The following ERCC2 variants were observed in gnomAD, a reference collection of about 807,000 sequenced individuals.
The protein encoded by ERCC2 is ERCC excision repair 2, TFIIH core complex helicase subunit, also known as general transcription and DNA repair factor IIH helicase subunit XPD.
Under a neutral mutation model 99.4 loss-of-function variants are expected in ERCC2, and 90 were observed. That is an observed-to-expected ratio of 0.91 (90% CI 0.76 to 1.08). The LOEUF (loss-of-function observed/expected upper bound fraction) is 1.08, where lower values mean the gene tolerates loss of function less well. Ranked by LOEUF, ERCC2 falls within the 50% of genes least tolerant of loss-of-function variation. ERCC2 has a pLI of 0.00. For missense variants in ERCC2, 993 were observed against 1,038.1 expected (o/e 0.96, Z 0.60); for synonymous variants, 497 against 432.4 (o/e 1.15, Z -1.85).
In ERCC2 at chr19:45,352,279, T is replaced by G. The variant is rs751727363; in HGVS notation, c.2120A>C (p.Asn707Thr). The G allele has an allele frequency of 6.2e-7, 1 of 1,613,954 alleles. No individual in the cohort carries two copies. The highest frequency in any genetic ancestry group is 8.5e-7 in the Non-Finnish European group (1 of 1,179,944). The change falls in exon 22 of 23, where the codon AAC becomes ACC. Residue 707 changes from asparagine to threonine, a missense_variant. Asn to Thr is a moderately conservative substitution (Grantham distance 65). Transcript: ENST00000391945. Reference sequence around the variant, plus strand: ...CTGGACACCCTCGTCCACGGTCAGGTTGAGGTTGGCATCTGTGAGGTGCTC... The same window carrying G: ...CTGGACACCCTCGTCCACGGTCAGGGTGAGGTTGGCATCTGTGAGGTGCTC... Reference protein sequence around the residue: ...IQEHLTDANLNLTVDEGVQVA... With the variant: ...IQEHLTDANLTLTVDEGVQVA...
intron 9 of ERCC2, 53 bp downstream of exon 9, chr19:45,364,182 G>A (rs1352733416): frequency 5.0e-6 from 8 of 1,611,300 alleles, no homozygotes; most frequent in African/African-American, 1.3e-5. Context: ...TCAGACAGGG[G>A]CCAGGGTCCC....
At position 45,364,233 on chromosome 19, in the gene ERCC2, A is replaced by C; in HGVS notation, c.815+2T>G. ...ACCACCGCCAGACGTCCCCGGCCCCACCTGAGCACCGTCTTCTGCAGGGTC... is the reference window on the plus strand; with the variant it reads ...ACCACCGCCAGACGTCCCCGGCCCCCCCTGAGCACCGTCTTCTGCAGGGTC... On this transcript the variant is annotated splice_donor_variant, in intron 9 of 22. Transcript: ENST00000391945. LOFTEE classifies it high-confidence loss of function. 6.2e-7 allele frequency: 1 copy of C among 1,613,386 alleles called. No individual in the cohort carries two copies.
intron 16 of ERCC2, among the ~76,000 whole-genome samples, chr19:45,355,083 G>C (rs562331841): frequency 6.6e-6 from 1 of 152,238 alleles, no homozygotes; most frequent in Non-Finnish European, 1.5e-5. Flanking sequence ...GGGGCCGGGC[G>C]CTGTGGCTCA....
chr19:45,360,997 G>A (rs1182262691), intron 12 of ERCC2, among the ~76,000 whole-genome samples: 2 of 152,072 alleles, frequency 1.3e-5, no homozygotes, highest in Admixed American at 6.5e-5. Context: ...TGGGTATAGT[G>A]GCATGCGCCT....
Position 45,364,972 on chromosome 19 carries a change from G to C in ERCC2, c.478-18C>G. 2 of 1,611,978 alleles carry C rather than the reference G, an allele frequency of 1.2e-6. No homozygotes were observed. Among genetic ancestry groups the C allele is most frequent in the South Asian group, 1.1e-5 (1 of 91,010 alleles). On this transcript the variant is annotated intron_variant, in intron 6 of 22. Coordinates refer to ENST00000391945, the MANE Select transcript of ERCC2 (RefSeq NM_000400.4). Reference sequence around the variant, plus strand: ...TCAAATTCCTGGGACAAGAGTGCCAGGGGTCAGGGAGGCTGCCTGCCCCAG... The same window carrying C: ...TCAAATTCCTGGGACAAGAGTGCCACGGGTCAGGGAGGCTGCCTGCCCCAG...
intron 11 of ERCC2, among the ~76,000 whole-genome samples, chr19:45,362,200 A>C (rs1179616269): frequency 6.6e-6 from 1 of 152,140 alleles, no homozygotes; most frequent in Admixed American, 6.5e-5. Flanking sequence ...CTGGGATGAC[A>C]GGTGTGAGCC....
intron 22 of ERCC2, 34 bp downstream of exon 22, chr19:45,352,175 T>C: frequency 1.2e-6 from 2 of 1,611,214 alleles, no homozygotes; most frequent in Non-Finnish European, 1.7e-6. Flanking sequence ...AAGCTCAGCC[T>C]GGGAGGGTGC....
At chr19:45,352,146 A>AG in intron 22 of ERCC2, 63 bp downstream of exon 22, 1 of 1,583,642 alleles carries the variant, frequency 6.3e-7, no homozygotes, top group Non-Finnish European at 8.6e-7. Flanking sequence ...GGAGAATCCA[A>AG]GGGGACTTTC....
intron 19 of ERCC2, 117 bp from the exon 20 acceptor site, chr19:45,352,933 C>A: frequency 8.1e-7 from 1 of 1,236,706 alleles, no homozygotes. Flanking sequence ...GTGTTCCCGC[C>A]GGGTGCCTAG....
In ERCC2 at chr19:45,354,814, C is replaced by A; in HGVS notation, c.1581G>T (p.Met527Ile). ...IRNYGNLLLEMSAVVPDGIVA... is the reference protein window; with the variant it reads ...IRNYGNLLLEISAVVPDGIVA... Reference sequence around the variant, plus strand: ...CGATGCCATCAGGGACCACAGCGGACATCTCCAGCAGGAGGTTCCCATAGT... The same window carrying A: ...CGATGCCATCAGGGACCACAGCGGAAATCTCCAGCAGGAGGTTCCCATAGT... Residue 527 changes from methionine (M) to isoleucine (I), a missense_variant, in exon 17 of 23, where the codon ATG (methionine) becomes ATT (isoleucine). Physicochemically the swap from Met to Ile is conservative, Grantham distance 10 (BLOSUM62 1). This residue lies in a region of ERCC2 where 909 missense variants were observed against 930.8 expected (regional missense o/e 0.98). Transcript: ENST00000391945. 1 of 1,614,136 alleles carries A rather than the reference C, an allele frequency of 6.2e-7. No homozygotes were observed. The highest frequency in any genetic ancestry group is 1.6e-4 in the Middle Eastern group (1 of 6,062).
chr19:45,351,537 C>G lies in ERCC2; in HGVS notation c.*92G>C. ...GACAGTGAGAAATGTCACCTGACTT[C>G]ATAAGACCTTCTAGCACCACCGCCG... On this transcript the variant is annotated 3_prime_UTR_variant, in exon 23 of 23. Coordinates refer to ENST00000391945, the MANE Select transcript of ERCC2 (RefSeq NM_000400.4). 6.2e-7 allele frequency: 1 copy of G among 1,604,712 alleles called. No individual in the cohort carries two copies. The highest frequency in any genetic ancestry group is 2.2e-5 in the East Asian group (1 of 44,868).
intron 17 of ERCC2, 74 bp downstream of exon 17, chr19:45,354,656 G>C (rs1971950201): frequency 1.9e-6 from 3 of 1,586,080 alleles, no homozygotes; most frequent in South Asian, 2.2e-5. Flanking sequence ...AGTGTGAGAG[G>C]AATGAAGCTG....
intron 17 of ERCC2, among the ~76,000 whole-genome samples, chr19:45,354,436 C>T (rs951323932): frequency 5.9e-5 from 9 of 152,180 alleles, no homozygotes; most frequent in Non-Finnish European, 1.2e-4. Flanking sequence ...GGATGGGTAA[C>T]CCCAAAAGCA....
chr19:45,361,887 A>G, intron 11 of ERCC2: 1 of 513,014 alleles, frequency 1.9e-6, no homozygotes, highest in South Asian at 2.0e-5. Flanking sequence ...TCATGTGGTC[A>G]CTTGTCACAC....
At chr19:45,368,842 C>G in intron 4 of ERCC2, 88 bp downstream of exon 4, 1 of 1,571,120 alleles carries the variant, frequency 6.4e-7, no homozygotes, top group Non-Finnish European at 8.8e-7. Flanking sequence ...CCCAAACACC[C>G]CCGAAAGCTG....
Position 45,350,699 on chromosome 19 carries a change from A to G in ERCC2, c.*930T>C, listed in dbSNP as rs749876174. The G allele has an allele frequency of 6.2e-6, 10 of 1,613,618 alleles. No homozygotes were observed. The South Asian group carries it at 9.9e-5, about 16-fold the overall frequency. On this transcript the variant is annotated 3_prime_UTR_variant, in exon 23 of 23. Transcript: ENST00000391945. ...CGTGAGTCTATCAGGCGAGGAAGTG[A>G]GAAGCTGGTCTCCCGGCTCCGAGGC... is the stretch of plus-strand genomic sequence containing the variant.
At chr19:45,354,317 G>A (rs1052091102) in intron 17 of ERCC2, among the ~76,000 whole-genome samples, 6 of 152,248 alleles carry the variant, frequency 3.9e-5, no homozygotes, top group East Asian at 1.9e-4. Context: ...TGAGAGGCTC[G>A]CCCCGAGTCT....
Position 45,364,093 on chromosome 19 carries a change from AG to A in ERCC2, c.841del (p.Leu281CysfsTer53), listed in dbSNP as rs1184028998. On this transcript the variant is annotated frameshift_variant, in exon 10 of 23. Transcript: ENST00000391945. LOFTEE classifies it high-confidence loss of function. ...CACCAGACGCCGGTACTCGTCCCGC[AG>A]GCGCTGCTCGTCTGTCTCTTTGATC... ...LRIKETDEQR[L>X]RDEYRRLVEG... 6.2e-7 allele frequency: 1 copy of A among 1,605,844 alleles called. No homozygotes were observed. Among genetic ancestry groups the A allele is most frequent in the Non-Finnish European group, 8.5e-7 (1 of 1,176,912 alleles).
chr19:45,363,962 G>C (rs1336156961), intron 10 of ERCC2, 24 bp downstream of exon 10: 2 of 1,537,940 alleles, frequency 1.3e-6, no homozygotes, highest in Admixed American at 3.9e-5. Flanking sequence ...AGGGACTGGG[G>C]GGCAGCGGGG....
Sources: allele counts gnomAD v4.1 joint callset (sites outside exome capture counted in the v4.1 genomes callset), GRCh38; gene constraint gnomAD v4.1.1; regional missense constraint gnomAD v4.1.1; transcripts MANE v1.5; gene names NCBI Gene and HGNC (gene_info 2026-07-23, HGNC 2026-07-21).